Variants in GSK3B observed in about 807,000 individuals in gnomAD.
GSK3B encodes the protein glycogen synthase kinase 3 beta, also known as glycogen synthase kinase-3 beta.
A neutral mutation model predicts 56.4 loss-of-function variants in GSK3B; 15 were observed. That is an observed-to-expected ratio of 0.27 (90% CI 0.18 to 0.41). GSK3B has a LOEUF of 0.41. GSK3B is among the 10% of genes least tolerant of loss of function. GSK3B has a pLI of 1.00. For missense variants in GSK3B, 300 were observed against 513.4 expected (o/e 0.58, Z 4.02); for synonymous variants, 181 against 188.9 (o/e 0.96, Z 0.34).
intron 7 of GSK3B, among the ~76,000 whole-genome samples, chr3:119,903,991 T>C (rs537022155): frequency 2.6e-5 from 4 of 152,280 alleles, no homozygotes; most frequent in East Asian, 3.9e-4. Flanking sequence ...ATTTGATGAT[T>C]AGAAAGTACT....
chr3:119,929,948 G>GCA (rs2056928238), intron 3 of GSK3B, among the ~76,000 whole-genome samples: 1 of 151,034 alleles, frequency 6.6e-6, no homozygotes, highest in Non-Finnish European at 1.5e-5. Flanking sequence ...AGGCCTGGCA[G>GCA]CACACGCCTG....
At chr3:120,001,787 A>T (rs2057679518) in intron 2 of GSK3B, among the ~76,000 whole-genome samples, 1 of 152,258 alleles carries the variant, frequency 6.6e-6, no homozygotes, top group Non-Finnish European at 1.5e-5. Flanking sequence ...AAGAAATTTT[A>T]ACTTACCTTT....
chr3:119,919,323 G>C (rs1378929088), intron 4 of GSK3B, among the ~76,000 whole-genome samples: 1 of 151,866 alleles, frequency 6.6e-6, no homozygotes, highest in Non-Finnish European at 1.5e-5. Context: ...CTTTTATATC[G>C]CTCTCACAAT....
rs200884356 is a variant in GSK3B at position 120,093,688 on chromosome 3, A to C, written c.-254T>G. ...TGATTTAGGACTTGGGAAAAAATAC[A>C]ATTCTTTCCCCTCCCTTTCCTGGGA... On this transcript the variant is annotated 5_prime_UTR_variant, in exon 1 of 11. The change creates a new upstream start codon in the 5' untranslated region. Coordinates refer to ENST00000264235, the MANE Select transcript of GSK3B (RefSeq NM_001146156.2). The C allele has an allele frequency of 3.7e-5, 14 of 374,792 alleles. No individual in the cohort carries two copies. Among genetic ancestry groups the C allele is most frequent in the Middle Eastern group, 6.6e-4 (1 of 1,506 alleles). 23.2% of individuals were successfully genotyped at this position (374,792 alleles called of 1,614,324 possible). A position where few individuals can be genotyped will look rare whatever the true frequency, so the allele number is the denominator to read the frequency against.
At position 120,015,580 on chromosome 3, in the gene GSK3B, G is replaced by A. The variant is rs183606719; in HGVS notation, c.89-13341C>T. On this transcript the variant is annotated intron_variant, in intron 1 of 10. Coordinates refer to ENST00000264235, the MANE Select transcript of GSK3B (RefSeq NM_001146156.2). The stretch of plus-strand genomic sequence containing the variant: ...CAAGAGAATCGCTTGAACCCAGGAG[G>A]TGGAGGTTGCAATAAGCCAAGATCA... Among the ~76,000 whole-genome samples, 8 of 148,744 alleles carry A rather than the reference G, an allele frequency of 5.4e-5. No homozygotes were observed. The East Asian group carries it at 1.6e-3, about 30-fold the overall frequency.
chr3:119,848,479 T>C (rs1386314802), intron 9 of GSK3B, among the ~76,000 whole-genome samples: 1 of 152,120 alleles, frequency 6.6e-6, no homozygotes, highest in African/African-American at 2.4e-5. Flanking sequence ...AAGTGTACAA[T>C]TCAGCACAAT....
chr3:119,984,140 G>A (rs2057490844), intron 2 of GSK3B, among the ~76,000 whole-genome samples: 1 of 152,150 alleles, frequency 6.6e-6, no homozygotes, highest in African/African-American at 2.4e-5. Flanking sequence ...CAGAAATAAA[G>A]ATATTCTCTG....
At chr3:120,087,308 A>C (rs2058471149) in intron 1 of GSK3B, among the ~76,000 whole-genome samples, 1 of 152,150 alleles carries the variant, frequency 6.6e-6, no homozygotes, top group Non-Finnish European at 1.5e-5. Context: ...CGAGGTGGGA[A>C]GATCACAAGG....
At chr3:119,886,784 C>T (rs964906565) in intron 7 of GSK3B, among the ~76,000 whole-genome samples, 4 of 152,254 alleles carry the variant, frequency 2.6e-5, no homozygotes, top group African/African-American at 9.6e-5. Context: ...GCAAATACTG[C>T]ATGTTCTCAC....
intron 1 of GSK3B, among the ~76,000 whole-genome samples, chr3:120,075,398 T>C (rs2058359830): frequency 6.6e-6 from 1 of 151,640 alleles, no homozygotes; most frequent in Non-Finnish European, 1.5e-5. Context: ...AAATCAAGAG[T>C]ATTTAGACAA....
intron 2 of GSK3B, among the ~76,000 whole-genome samples, chr3:119,954,581 A>C (rs1234161025): frequency 2.6e-5 from 4 of 152,226 alleles, no homozygotes; most frequent in Non-Finnish European, 5.9e-5. Context: ...GATTCTTACT[A>C]ATCATTCTCA....
chr3:119,888,500 T>A (rs563657876), intron 7 of GSK3B, among the ~76,000 whole-genome samples: 3 of 152,260 alleles, frequency 2.0e-5, no homozygotes, highest in South Asian at 2.1e-4. Flanking sequence ...AATCTCTTAA[T>A]CCTGTTATCT....
At chr3:119,922,720 A>G (rs1272216779) in intron 4 of GSK3B, among the ~76,000 whole-genome samples, 2 of 152,000 alleles carry the variant, frequency 1.3e-5, no homozygotes, top group African/African-American at 2.4e-5. Context: ...AAATTTAAAA[A>G]TTGTATTTAG....
chr3:119,916,220 A>T, intron 4 of GSK3B, 46 bp from the exon 5 acceptor site: 1 of 1,497,416 alleles, frequency 6.7e-7, no homozygotes. Flanking sequence ...TATTCTAAAC[A>T]AATCAGAATC....
At chr3:119,913,226 G>A (rs2056752190) in intron 5 of GSK3B, among the ~76,000 whole-genome samples, 1 of 152,220 alleles carries the variant, frequency 6.6e-6, no homozygotes, top group South Asian at 2.1e-4. Context: ...TAAAAAGGGT[G>A]AGAAACTGGC....
intron 1 of GSK3B, among the ~76,000 whole-genome samples, chr3:120,079,340 AC>A (rs2058395724): frequency 7.3e-6 from 1 of 136,806 alleles, no homozygotes; most frequent in Admixed American, 7.3e-5. Flanking sequence ...ACACACACAC[AC>A]ACACACACAT....
chr3:120,029,939 G>A (rs1411441232), intron 1 of GSK3B: 2 of 539,872 alleles, frequency 3.7e-6, no homozygotes, highest in African/African-American at 3.8e-5. Context: ...ATGGGCCCTA[G>A]AGTGACCACA....
intron 2 of GSK3B, among the ~76,000 whole-genome samples, chr3:119,970,393 T>G (rs1381103459): frequency 6.6e-6 from 1 of 151,980 alleles, no homozygotes; most frequent in African/African-American, 2.4e-5. Flanking sequence ...TACAATGAAA[T>G]ACCACTATAC....
intron 1 of GSK3B, among the ~76,000 whole-genome samples, chr3:120,034,945 T>C (rs961606252): frequency 2.0e-5 from 3 of 151,976 alleles, no homozygotes; most frequent in Non-Finnish European, 4.4e-5. Flanking sequence ...TACACAAAAT[T>C]AGCTAGGCGT....
Sources: gnomAD v4.1 joint callset for allele counts (sites outside exome capture counted in the v4.1 genomes callset) on GRCh38, gnomAD v4.1.1 for gene constraint, MANE v1.5 for transcripts, NCBI Gene and HGNC (gene_info 2026-07-23, HGNC 2026-07-21) for gene names.